SEPTIN9: variants seen among roughly 807,000 people sequenced by gnomAD.
SEPTIN9 encodes septin-9.
SEPTIN9 carries 13 observed loss-of-function variants against 56.6 expected under a neutral mutation model. The ratio of observed to expected loss-of-function variants is 0.23; its 90% confidence interval spans 0.15 to 0.37. SEPTIN9 has a LOEUF of 0.37. Among genes scored for constraint, SEPTIN9 ranks in the 10% least tolerant of loss-of-function variants. The probability of loss-of-function intolerance (pLI) is 1.00; values close to 1 mark genes in which losing one functional copy is unlikely to be tolerated. For missense variants in SEPTIN9, 650 were observed against 823.1 expected (o/e 0.79, Z 2.57); for synonymous variants, 332 against 334.1 (o/e 0.99, Z 0.07).
At chr17:77,473,608 A>G (rs1203254767) in intron 3 of SEPTIN9, among the ~76,000 whole-genome samples, 1 of 152,022 alleles carries the variant, frequency 6.6e-6, no homozygotes, top group Non-Finnish European at 1.5e-5. Context: ...TTCTAGGGAG[A>G]GTCTTTACTT....
At position 77,445,359 on chromosome 17, in the gene SEPTIN9, G is replaced by C. The variant is rs2037697705; in HGVS notation, c.722-36785G>C. ...GGATATTGCTCTTGGCATTTGATGG[G>C]AAGCATCTGCTGCATCCCATTGGGG... is the stretch of plus-strand genomic sequence containing the variant. On this transcript the variant is annotated intron_variant, in intron 3 of 11. Coordinates refer to ENST00000427177, the MANE Select transcript of SEPTIN9 (RefSeq NM_001113491.2). This position sits in a 1 kb window ranked among gnomAD's most constrained non-coding sequence, Gnocchi z 4.7. The C allele has an allele frequency of 2.2e-6, 1 of 464,938 alleles. No homozygotes were observed. The highest frequency in any genetic ancestry group is 1.5e-5 in the South Asian group (1 of 64,570). The allele number at this position is 464,938 out of a possible 1,614,324, so 28.8% of individuals were successfully genotyped here.
Position 77,493,019 on chromosome 17 carries a change from T to C in SEPTIN9, c.1516T>C (p.Tyr506His). The change falls in exon 10 of 12, where the codon TAC (tyrosine) becomes CAC (histidine). Residue 506 changes from tyrosine (Y) to histidine (H), a missense_variant. By Grantham distance (83) the Tyr-to-His change is moderately conservative. Coordinates refer to ENST00000427177, the MANE Select transcript of SEPTIN9 (RefSeq NM_001113491.2). ...PFAVVGSDHE[Y>H]QVNGKRILGR... The stretch of plus-strand genomic sequence containing the variant: ...TGCTGTGGTGGGCAGTGACCACGAG[T>C]ACCAGGTCAACGGCAAGAGGATCCT... The C allele has an allele frequency of 6.4e-7, 1 of 1,570,700 alleles. No homozygotes were observed. Among genetic ancestry groups the C allele is most frequent in the Middle Eastern group, 1.7e-4 (1 of 6,016 alleles).
chr17:77,482,160 C>T lies in SEPTIN9; in HGVS notation c.738C>T (p.Pro246=), dbSNP rs1401312950. 1 of 1,585,416 alleles carries T rather than the reference C, an allele frequency of 6.3e-7. No homozygotes were observed. The highest frequency in any genetic ancestry group is 2.3e-5 in the East Asian group (1 of 43,394). Residue 246 remains proline (P), a synonymous_variant, in exon 4 of 12, where the codon CCC becomes CCT. Coordinates refer to ENST00000427177, the MANE Select transcript of SEPTIN9 (RefSeq NM_001113491.2). ...PRSQEATEAA[P]SCVGDMADTP... is the part of the protein sequence containing the mutation. ...CTTCCCCAGCCACTGAGGCGGCTCC[C>T]AGCTGCGTTGGCGACATGGCCGACA...
chr17:77,425,502 G>T lies in SEPTIN9; in HGVS notation c.721+22799G>T, dbSNP rs1416803688. Among the ~76,000 whole-genome samples, 3 of 149,998 alleles carry T rather than the reference G, an allele frequency of 2.0e-5. No homozygotes were observed. Among genetic ancestry groups the T allele is most frequent in the Non-Finnish European group, 2.9e-5 (2 of 67,852 alleles). Reference sequence around the variant, plus strand: ...CTCTCTGGTCATGGGGACGCTGCCTGGGGGGGGTTCCCTTACATGGAAGGA... The same window carrying T: ...CTCTCTGGTCATGGGGACGCTGCCTTGGGGGGGTTCCCTTACATGGAAGGA... On this transcript the variant is annotated intron_variant, in intron 3 of 11. Coordinates refer to ENST00000427177, the MANE Select transcript of SEPTIN9 (RefSeq NM_001113491.2). The surrounding 1 kb of genome is among the most constrained non-coding windows in gnomAD (Gnocchi z 4.2).
intron 10 of SEPTIN9, among the ~76,000 whole-genome samples, chr17:77,493,556 C>A (rs1167815174): frequency 6.6e-6 from 1 of 152,086 alleles, no homozygotes; most frequent in South Asian, 2.1e-4. Context: ...TAAAACAACA[C>A]AAACGTATTT....
chr17:77,347,989 A>G (rs2033939505), intron 2 of SEPTIN9, among the ~76,000 whole-genome samples: 1 of 152,188 alleles, frequency 6.6e-6, no homozygotes, highest in African/African-American at 2.4e-5. Context: ...GGGTTTGTCA[A>G]GACATAACTC....
rs982450996 is a variant in SEPTIN9, at chr17:77,289,651, G to A, written c.19+8097G>A. 8.7e-5 allele frequency among the ~76,000 whole-genome samples: 13 copies of A among 149,576 alleles called. No individual in the cohort carries two copies. The East Asian group carries it at 1.6e-3, about 18-fold the overall frequency. ...TCGAACTCCCGACCTCAGGTGATCC[G>A]CCCGCCTTGGCCTCCCAAAGTGCTG... On this transcript the variant is annotated intron_variant, in intron 1 of 11. Coordinates refer to ENST00000427177, the MANE Select transcript of SEPTIN9 (RefSeq NM_001113491.2).
At position 77,468,799 on chromosome 17, in the gene SEPTIN9, CA is replaced by C. The variant is rs1427607378; in HGVS notation, c.722-13344del. 2.7e-5 allele frequency among the ~76,000 whole-genome samples: 4 copies of C among 148,328 alleles called. No individual in the cohort carries two copies. In the East Asian group the frequency reaches 7.9e-4, roughly 29 times the overall value. On this transcript the variant is annotated intron_variant, in intron 3 of 11. Coordinates refer to ENST00000427177, the MANE Select transcript of SEPTIN9 (RefSeq NM_001113491.2). ...GTGCTTTGAGGAGGAGGGATTCGGA[CA>C]GGGGCAGCTAATGGTGGTGGCTGTG...
intron 3 of SEPTIN9, among the ~76,000 whole-genome samples, chr17:77,465,657 GC>G (rs1052654736): frequency 6.6e-6 from 1 of 152,200 alleles, no homozygotes; most frequent in African/African-American, 2.4e-5. Context: ...GACCCCGGGG[GC>G]CTGCAGCTGG....
chr17:77,361,170 C>T (rs1355025058), intron 2 of SEPTIN9, among the ~76,000 whole-genome samples: 5 of 152,156 alleles, frequency 3.3e-5, no homozygotes, highest in Non-Finnish European at 5.9e-5. Context: ...GTGATCCACC[C>T]GCCTTGGCCT....
At chr17:77,322,716 C>T (rs2032983081) in intron 2 of SEPTIN9, 1 of 152,342 alleles carries the variant, frequency 6.6e-6, no homozygotes, top group African/African-American at 2.4e-5. Context: ...CCCCCACCTC[C>T]TGCGGGTTTC....
intron 1 of SEPTIN9, among the ~76,000 whole-genome samples, chr17:77,298,293 C>G (rs1246424108): frequency 2.0e-5 from 3 of 152,224 alleles, no homozygotes; most frequent in Non-Finnish European, 4.4e-5. Flanking sequence ...CCCTGGGGAA[C>G]CCATCTCCCC....
chr17:77,381,414 A>T (rs1335634173), intron 2 of SEPTIN9, among the ~76,000 whole-genome samples: 1 of 134,162 alleles, frequency 7.5e-6, no homozygotes, highest in Admixed American at 7.3e-5. Flanking sequence ...CCCACCCCCC[A>T]CCCCATGTGC....
chr17:77,281,998 G>A, intron 1 of SEPTIN9: 1 of 160,672 alleles, frequency 6.2e-6, no homozygotes, highest in Admixed American at 6.5e-5. Context: ...CCTCTACTTA[G>A]TGGGGCACGG....
chr17:77,328,065 G>GGGTGTCCCT (rs1289453230), intron 2 of SEPTIN9, among the ~76,000 whole-genome samples: 1 of 151,174 alleles, frequency 6.6e-6, no homozygotes, highest in Non-Finnish European at 1.5e-5. Context: ...CCCGTGCCCA[G>GGGTGTCCCT]GGTGTCCCTG....
At chr17:77,349,121 G>C (rs573403417) in intron 2 of SEPTIN9, among the ~76,000 whole-genome samples, 4 of 151,650 alleles carry the variant, frequency 2.6e-5, no homozygotes, top group Non-Finnish European at 5.9e-5. Context: ...TTTTGAGACA[G>C]AGTCTCACTC....
intron 3 of SEPTIN9, among the ~76,000 whole-genome samples, chr17:77,467,979 A>G (rs1006196537): frequency 6.6e-6 from 1 of 152,124 alleles, no homozygotes; most frequent in African/African-American, 2.4e-5. Flanking sequence ...GAACTGAGGG[A>G]CCTAGGCTGG....
chr17:77,398,217 T>C lies in SEPTIN9; in HGVS notation c.77-3842T>C, dbSNP rs143395587. Among the ~76,000 whole-genome samples, 859 of 150,688 alleles carry C rather than the reference T, an allele frequency of 5.7e-3. 11 individuals carry two copies. Among genetic ancestry groups the C allele is most frequent in the African/African-American group, 0.02 (819 of 40,990 alleles). On this transcript the variant is annotated intron_variant, in intron 2 of 11. Coordinates refer to ENST00000427177, the MANE Select transcript of SEPTIN9 (RefSeq NM_001113491.2). ...CTTGAACTCCTGGGCTCAAGCGATC[T>C]GTCCACCTTGGCTTCCCAAAGTGTT...
In SEPTIN9 at chr17:77,369,233, AAAAAG is replaced by A. The variant is rs779839130; in HGVS notation, c.77-32812_77-32808del. On this transcript the variant is annotated intron_variant, in intron 2 of 11. Transcript: ENST00000427177. The surrounding 1 kb of genome is among the most constrained non-coding windows in gnomAD (Gnocchi z 4.9). ...CGGGTGACAGAGTGAGACCCTGTCA[AAAAAG>A]AAAAGAAAAGAAAGAAATTGGCCAA... 6.6e-6 allele frequency among the ~76,000 whole-genome samples: 1 copy of A among 152,134 alleles called. No individual in the cohort carries two copies. The highest frequency in any genetic ancestry group is 6.6e-5 in the Admixed American group (1 of 15,260).
Sources: gnomAD v4.1 joint callset for allele counts (sites outside exome capture counted in the v4.1 genomes callset) on GRCh38, gnomAD v4.1.1 for gene constraint, Gnocchi (gnomAD v3.1) non-coding constraint, MANE v1.5 for transcripts, NCBI Gene and HGNC (gene_info 2026-07-23, HGNC 2026-07-21) for gene names.